The following SOX5 variants were observed in gnomAD, a reference collection of about 807,000 sequenced individuals.
SOX5 encodes SRY-box transcription factor 5.
In SOX5, 9 loss-of-function variants were observed where a neutral mutation model predicts 92.0. That is an observed-to-expected ratio of 0.10 (90% confidence interval 0.06 to 0.17). SOX5 has a LOEUF of 0.17. SOX5 is among the 10% of genes least tolerant of loss of function. The probability of loss-of-function intolerance (pLI) is 1.00; values close to 1 mark genes in which losing one functional copy is unlikely to be tolerated. For missense variants in SOX5, 642 were observed against 944.5 expected (o/e 0.68, Z 4.20); for synonymous variants, 344 against 336.3 (o/e 1.02, Z -0.25).
At chr12:23,768,299 G>C (rs572130075) in intron 3 of SOX5, among the ~76,000 whole-genome samples, 1 of 152,028 alleles carries the variant, frequency 6.6e-6, no homozygotes, top group Non-Finnish European at 1.5e-5. Flanking sequence ...AGCCATGAAG[G>C]TCTGTGTTCC....
chr12:23,706,836 A>G (rs550481982), intron 6 of SOX5, among the ~76,000 whole-genome samples: 18 of 152,102 alleles, frequency 1.2e-4, no homozygotes, highest in African/African-American at 4.1e-4. Context: ...TGGATGTTAT[A>G]TTTTAGTGCT....
At chr12:24,270,237 T>C (rs1268168654) in intron 3 of SOX5, among the ~76,000 whole-genome samples, 3 of 151,892 alleles carry the variant, frequency 2.0e-5, no homozygotes, top group African/African-American at 7.3e-5. Context: ...ATTTTTGTAT[T>C]TTTAGTAGAG....
chr12:24,528,172 A>C (rs1011020476), intron 1 of SOX5, among the ~76,000 whole-genome samples: 1 of 152,234 alleles, frequency 6.6e-6, no homozygotes, highest in Non-Finnish European at 1.5e-5. Flanking sequence ...GGGACATCGC[A>C]TAGTCACGTA....
chr12:23,710,793 C>T lies in SOX5; in HGVS notation c.810+23891G>A, dbSNP rs556902127. Among the ~76,000 whole-genome samples the T allele has an allele frequency of 4.6e-4, 70 of 152,248 alleles. No individual in the cohort carries two copies. The East Asian group carries it at 0.011, about 24-fold the overall frequency. Reference sequence around the variant, plus strand: ...GCTGGGTCAAATGGTATTTCTAGTTCTAGATCCTTGAGGAATCGCCACACT... The same window carrying T: ...GCTGGGTCAAATGGTATTTCTAGTTTTAGATCCTTGAGGAATCGCCACACT... On this transcript the variant is annotated intron_variant, in intron 6 of 14. Coordinates refer to ENST00000451604, the MANE Select transcript of SOX5 (RefSeq NM_006940.6).
chr12:24,543,821 G>T (rs1952364075), intron 1 of SOX5, among the ~76,000 whole-genome samples: 1 of 152,110 alleles, frequency 6.6e-6, no homozygotes, highest in African/African-American at 2.4e-5. Context: ...ATAATGGAAA[G>T]ATCATTTGTA....
chr12:24,433,223 T>C (rs1210343114), intron 1 of SOX5, among the ~76,000 whole-genome samples: 4 of 152,218 alleles, frequency 2.6e-5, no homozygotes, highest in African/African-American at 7.2e-5. Flanking sequence ...TCTCAGTAGT[T>C]AAAATGTTTA....
At chr12:23,595,393 C>G (rs1450083117) in intron 9 of SOX5, among the ~76,000 whole-genome samples, 2 of 151,864 alleles carry the variant, frequency 1.3e-5, no homozygotes, top group East Asian at 3.9e-4. Flanking sequence ...GAGGCCGAGG[C>G]CGGCGGATCA....
chr12:24,122,374 G>A (rs993774457), intron 4 of SOX5, among the ~76,000 whole-genome samples: 1 of 152,152 alleles, frequency 6.6e-6, no homozygotes, highest in Non-Finnish European at 1.5e-5. Context: ...GAACGACCAA[G>A]GAATTTGGCT....
intron 10 of SOX5, among the ~76,000 whole-genome samples, chr12:23,573,799 C>G (rs1411806347): frequency 1.3e-5 from 2 of 152,150 alleles, no homozygotes; most frequent in South Asian, 2.1e-4. Context: ...CCTTGGATCA[C>G]TCATTCAGGA....
intron 4 of SOX5, among the ~76,000 whole-genome samples, chr12:24,021,238 G>A (rs1309467812): frequency 6.6e-6 from 1 of 152,172 alleles, no homozygotes; most frequent in Admixed American, 6.6e-5. Flanking sequence ...CTGAGTAGAA[G>A]CCCTGCATGA....
intron 6 of SOX5, among the ~76,000 whole-genome samples, chr12:23,732,005 T>G (rs946659656): frequency 4.6e-5 from 7 of 152,332 alleles, no homozygotes; most frequent in Non-Finnish European, 1.0e-4. Flanking sequence ...TCTAGATGAG[T>G]ATTTTCAAAT....
intron 3 of SOX5, among the ~76,000 whole-genome samples, chr12:23,829,106 C>A (rs549058756): frequency 6.6e-6 from 1 of 151,942 alleles, no homozygotes; most frequent in South Asian, 2.1e-4. Flanking sequence ...TTCCCATAAA[C>A]AACTCCTATT....
At chr12:23,929,823 T>C (rs1216599240) in intron 1 of SOX5, among the ~76,000 whole-genome samples, 2 of 151,962 alleles carry the variant, frequency 1.3e-5, no homozygotes, top group Non-Finnish European at 2.9e-5. Context: ...AAATGTTATA[T>C]TTAGAAATTT....
At chr12:23,926,072 C>T (rs1274126170) in intron 1 of SOX5, among the ~76,000 whole-genome samples, 2 of 152,010 alleles carry the variant, frequency 1.3e-5, no homozygotes, top group Non-Finnish European at 2.9e-5. Context: ...AGTTCCAGGA[C>T]ACTGGGATGG....
intron 4 of SOX5, among the ~76,000 whole-genome samples, chr12:23,957,812 T>C (rs1035041760): frequency 9.2e-5 from 14 of 152,204 alleles, no homozygotes; most frequent in African/African-American, 3.1e-4. Context: ...CAAGCATTTA[T>C]AGAATCTTAA....
chr12:23,553,228 A>G (rs1019368597), intron 11 of SOX5, among the ~76,000 whole-genome samples: 3 of 152,074 alleles, frequency 2.0e-5, no homozygotes, highest in African/African-American at 7.2e-5. Flanking sequence ...ATTGCTTTTC[A>G]GACATATTTT....
At chr12:23,963,697 C>T (rs1056421905) in intron 4 of SOX5, among the ~76,000 whole-genome samples, 1 of 138,632 alleles carries the variant, frequency 7.2e-6, no homozygotes, top group Non-Finnish European at 1.5e-5. Flanking sequence ...ACATTCTATA[C>T]AATGGATAGT....
intron 6 of SOX5, among the ~76,000 whole-genome samples, chr12:23,709,652 G>A (rs1047866728): frequency 6.6e-6 from 1 of 152,090 alleles, no homozygotes; most frequent in Non-Finnish European, 1.5e-5. Flanking sequence ...TAATTGTTAT[G>A]TCACCAATTT....
At chr12:24,241,945 A>G (rs1965636432) in intron 3 of SOX5, among the ~76,000 whole-genome samples, 1 of 152,300 alleles carries the variant, frequency 6.6e-6, no homozygotes, top group East Asian at 1.9e-4. Context: ...TTAGGCACTT[A>G]GAAACTAAAA....
Sources: allele counts gnomAD v4.1 joint callset (sites outside exome capture counted in the v4.1 genomes callset), GRCh38; gene constraint gnomAD v4.1.1; transcripts MANE v1.5; gene names NCBI Gene and HGNC (gene_info 2026-07-23, HGNC 2026-07-21).